DMXL2: variants seen among roughly 807,000 people sequenced by gnomAD.
The protein encoded by DMXL2 is Dmx like 2, also known as dmX-like protein 2.
Under a neutral mutation model 331.1 loss-of-function variants are expected in DMXL2, and 103 were observed. That is an observed-to-expected ratio of 0.31 (90% confidence interval 0.27 to 0.37). The LOEUF is 0.37. DMXL2 is among the 10% of genes least tolerant of loss of function. The pLI, the probability that DMXL2 is intolerant of heterozygous loss-of-function variation, is 1.00. For synonymous variants in DMXL2, 1,281 were observed against 1,252.1 expected, an observed-to-expected ratio of 1.02 and a Z score of -0.49; for missense variants, 3,171 against 3,642.9, an observed-to-expected ratio of 0.87 and a Z score of 3.33.
At chr15:51,543,163 G>C (rs1287067489) in intron 8 of DMXL2, among the ~76,000 whole-genome samples, 1 of 151,818 alleles carries the variant, frequency 6.6e-6, no homozygotes, top group Non-Finnish European at 1.5e-5. Flanking sequence ...TTTAGTCATG[G>C]GGCCATGTCA....
chr15:51,610,295 G>T (rs991889348), intron 1 of DMXL2, among the ~76,000 whole-genome samples: 3 of 152,212 alleles, frequency 2.0e-5, no homozygotes, highest in African/African-American at 7.2e-5. Context: ...AAAACCACAA[G>T]ATAGGAATAA....
chr15:51,580,019 T>C (rs1036362260), intron 1 of DMXL2, among the ~76,000 whole-genome samples: 1 of 152,226 alleles, frequency 6.6e-6, no homozygotes, highest in Non-Finnish European at 1.5e-5. Context: ...TTCCATTGCA[T>C]TGCCCTACCT....
At chr15:51,612,870 T>C (rs1053590348) in intron 1 of DMXL2, among the ~76,000 whole-genome samples, 4 of 152,210 alleles carry the variant, frequency 2.6e-5, no homozygotes, top group Non-Finnish European at 5.9e-5. Context: ...CCCCCATCTA[T>C]GACCGTAAAA....
intron 23 of DMXL2, among the ~76,000 whole-genome samples, chr15:51,484,442 T>C (rs1483619483): frequency 6.6e-6 from 1 of 152,182 alleles, no homozygotes; most frequent in Non-Finnish European, 1.5e-5. Flanking sequence ...ACTGAGAGGA[T>C]TGCAAATGCC....
chr15:51,517,169 T>C lies in DMXL2; in HGVS notation c.2437-2A>G, dbSNP rs2047082482. The stretch of plus-strand genomic sequence containing the variant: ...ATTAAACACTTCTCCAATAAGTTTC[T>C]GTAAATAAAAAACACAAAATGTTAA... On this transcript the variant is annotated splice_acceptor_variant, in intron 13 of 43. Transcript: ENST00000560891. LOFTEE classifies it high-confidence loss of function. 6.2e-7 allele frequency: 1 copy of C among 1,611,682 alleles called. No homozygotes were observed. Among genetic ancestry groups the C allele is most frequent in the African/African-American group, 1.3e-5 (1 of 74,894 alleles).
intron 1 of DMXL2, among the ~76,000 whole-genome samples, chr15:51,613,968 G>C (rs1212694578): frequency 2.6e-5 from 4 of 152,178 alleles, no homozygotes; most frequent in Non-Finnish European, 4.4e-5. Context: ...GTTAACATGT[G>C]TTGTGGACTA....
At chr15:51,484,261 T>C (rs922458514) in intron 23 of DMXL2, among the ~76,000 whole-genome samples, 1 of 152,198 alleles carries the variant, frequency 6.6e-6, no homozygotes, top group Non-Finnish European at 1.5e-5. Context: ...AGTGACCATG[T>C]ACCCACACTC....
chr15:51,461,284 G>C (rs570889138), intron 33 of DMXL2, among the ~76,000 whole-genome samples: 1 of 152,022 alleles, frequency 6.6e-6, no homozygotes, highest in Non-Finnish European at 1.5e-5. Context: ...ACTAAGGGGC[G>C]GAGAGGGGGA....
intron 5 of DMXL2, among the ~76,000 whole-genome samples, chr15:51,563,804 A>T (rs1271729183): frequency 6.6e-6 from 1 of 152,096 alleles, no homozygotes; most frequent in African/African-American, 2.4e-5. Flanking sequence ...CTTCCACTTG[A>T]AAGAGTGGCT....
Position 51,487,961 on chromosome 15 carries a change from G to C in DMXL2, c.5210C>G (p.Ala1737Gly). 6.2e-7 allele frequency: 1 copy of C among 1,605,922 alleles called. No homozygotes were observed. The highest frequency in any genetic ancestry group is 8.5e-7 in the Non-Finnish European group (1 of 1,176,874). ...GTGTTTTCTTATTTATACCTCTATGGCATCTTTCAATGAACCAGCTAGCAA... is the reference window on the plus strand; with the variant it reads ...GTGTTTTCTTATTTATACCTCTATGCCATCTTTCAATGAACCAGCTAGCAA... ...FFLLAGSLKD[A>G]IEVCLEKMED... The change falls in exon 22 of 44, where the codon GCC becomes GGC. Residue 1737 changes from alanine (A) to glycine (G), a missense_variant. This residue lies in a region of DMXL2 where 252 missense variants were observed against 387.4 expected (regional missense o/e 0.65). Coordinates refer to ENST00000560891, the MANE Select transcript of DMXL2 (RefSeq NM_001378457.1).
chr15:51,486,245 GGA>G lies in DMXL2; in HGVS notation c.5308_5309del (p.Ser1770HisfsTer24). On this transcript the variant is annotated frameshift_variant, in exon 23 of 44. Transcript: ENST00000560891. LOFTEE classifies it high-confidence loss of function. ...AACCCAAAATCTTCTGATTTAGGAT[GGA>G]TATATAAGTGGATGAAGTCTCAAAT... is the stretch of plus-strand genomic sequence containing the variant. ...SEFETSSTYI[S>X]ILNQKILGCQ... is the part of the protein sequence containing the mutation. 1 of 1,613,614 alleles carries G rather than the reference GGA, an allele frequency of 6.2e-7. No individual in the cohort carries two copies. Among genetic ancestry groups the G allele is most frequent in the Non-Finnish European group, 8.5e-7 (1 of 1,179,652 alleles).
chr15:51,459,896 T>C, intron 33 of DMXL2: 1 of 1,126,030 alleles, frequency 8.9e-7, no homozygotes. Context: ...AAAAGCTATT[T>C]CAAAATAAAA....
In DMXL2 at chr15:51,464,766, T is replaced by C. The variant is rs202154593; in HGVS notation, c.7717A>G (p.Ile2573Val). 4.6e-5 allele frequency: 75 copies of C among 1,614,040 alleles called. 1 individual carries two copies. The highest frequency in any genetic ancestry group is 5.9e-5 in the Non-Finnish European group (70 of 1,180,002). ...DQFEGPPPNY[I>V]NTYPTDLSVG... ...GAAAGGTCAGTTGGATATGTGTTGA[T>C]ATAGTTAGGGGGTGGACCTTCAAAC... Residue 2573 changes from isoleucine (I) to valine (V), a missense_variant, in exon 32 of 44, where the codon ATC becomes GTC. Physicochemically the swap from Ile to Val is conservative, Grantham distance 29 (BLOSUM62 3). Transcript: ENST00000560891.
intron 23 of DMXL2, among the ~76,000 whole-genome samples, chr15:51,484,199 C>T (rs924856432): frequency 6.6e-6 from 1 of 152,136 alleles, no homozygotes; most frequent in African/African-American, 2.4e-5. Flanking sequence ...GCCGTGAGGC[C>T]ACATATGAGC....
intron 23 of DMXL2, 136 bp from the exon 24 acceptor site, chr15:51,481,759 T>C (rs752935753): frequency 1.3e-5 from 10 of 774,776 alleles, no homozygotes; most frequent in African/African-American, 5.2e-5. Context: ...CACTATGGCA[T>C]ATACAATCAT....
intron 40 of DMXL2, chr15:51,454,146 T>C (rs2039403770): frequency 6.5e-6 from 1 of 153,666 alleles, no homozygotes; most frequent in South Asian, 2.0e-4. Context: ...CAAGGTACAG[T>C]CTATAGTGTC....
Position 51,523,510 on chromosome 15 carries a change from G to A in DMXL2, c.2437-6343C>T, listed in dbSNP as rs562749401. 3.9e-5 allele frequency among the ~76,000 whole-genome samples: 6 copies of A among 152,292 alleles called. No individual in the cohort carries two copies. In the South Asian group the frequency reaches 1.0e-3, roughly 26 times the overall value. ...AAAATTCATGTCCACCCAGCATCTC[G>A]GAATGTAACCTTGTTTGAACGTAGG... On this transcript the variant is annotated intron_variant, in intron 13 of 43. Transcript: ENST00000560891.
In DMXL2 at chr15:51,537,668, T is replaced by G; in HGVS notation, c.1437A>C (p.Arg479=). The G allele has an allele frequency of 1.2e-6, 2 of 1,613,958 alleles. No individual in the cohort carries two copies. Among genetic ancestry groups the G allele is most frequent in the Non-Finnish European group, 1.7e-6 (2 of 1,179,900 alleles). The change falls in exon 11 of 44, where the codon CGA becomes CGC. Residue 479 remains arginine, a synonymous_variant. Transcript: ENST00000560891. ...TAGGCAGTGGCATTGGTACACTAAG[T>G]CGTGAGTAAGTTCTAGGACTTCCTT... is the stretch of plus-strand genomic sequence containing the variant. ...EREGSPRTYS[R]LSVPMPLPTV...
intron 27 of DMXL2, among the ~76,000 whole-genome samples, chr15:51,475,745 G>C (rs2041527195): frequency 6.6e-6 from 1 of 152,158 alleles, no homozygotes; most frequent in African/African-American, 2.4e-5. Context: ...CTGTAGATTA[G>C]AGAACATAAA....
Sources: gnomAD v4.1 joint callset for allele counts (sites outside exome capture counted in the v4.1 genomes callset) on GRCh38, gnomAD v4.1.1 for gene constraint, gnomAD v4.1.1 regional missense constraint, MANE v1.5 for transcripts, NCBI Gene and HGNC (gene_info 2026-07-23, HGNC 2026-07-21) for gene names.